HPS4: variants seen among roughly 807,000 people sequenced by gnomAD.
HPS4 encodes the protein BLOC-3 complex member HPS4.
A neutral mutation model predicts 70.3 loss-of-function variants in HPS4; 44 were observed. The ratio of observed to expected loss-of-function variants is 0.63; its 90% CI spans 0.49 to 0.80. HPS4 has a LOEUF of 0.80. Among genes scored for constraint, HPS4 ranks in the 30% least tolerant of loss-of-function variants. The pLI, the probability that HPS4 is intolerant of heterozygous loss-of-function variation, is 0.00. For synonymous variants in HPS4, 377 were observed against 355.9 expected (o/e 1.06, Z -0.67); for missense variants, 873 against 884.4 (o/e 0.99, Z 0.16).
rs560037852 is a variant in HPS4, at chr22:26,483,345, T to C, written c.-479+329A>G. ...TGGAGTAGGAAGAGACGTCGGAACA[T>C]GAGCAGAAAAGGATCTGGTAGCCTG... On this transcript the variant is annotated intron_variant, in intron 1 of 13. Transcript: ENST00000398145. Among the ~76,000 whole-genome samples the C allele has an allele frequency of 2.0e-5, 3 of 152,242 alleles. No individual in the cohort carries two copies. The South Asian group carries it at 6.2e-4, about 32-fold the overall frequency.
In HPS4 at chr22:26,457,984, C is replaced by T; in HGVS notation, c.1847-17G>A. 1.9e-6 allele frequency: 3 copies of T among 1,599,100 alleles called. No individual in the cohort carries two copies. Among genetic ancestry groups the T allele is most frequent in the Non-Finnish European group, 2.6e-6 (3 of 1,169,342 alleles). ...GCAGGTTTGCTTCCAGAAGAGGACA[C>T]AGAGTTGTGAAGAGCAGACAGTTAC... On this transcript the variant is annotated splice_polypyrimidine_tract_variant and intron_variant, in intron 12 of 13. Transcript: ENST00000398145.
rs2087943013 is a variant in HPS4, at chr22:26,464,149, A to G, written c.1481T>C (p.Val494Ala). The change falls in exon 11 of 14, where the codon GTT (valine) becomes GCT (alanine). Residue 494 changes from valine (V) to alanine (A), a missense_variant. Transcript: ENST00000398145. ...TGCGTGGCTTTCACAGACCCCATCA[A>G]CATCCTCATCCAGGCCTTGTTCCCC... The part of the protein sequence containing the change: ...PTGEQGLDED[V>A]DGVCESHAAP... 2.5e-6 allele frequency: 4 copies of G among 1,614,220 alleles called. No homozygotes were observed. Among genetic ancestry groups the G allele is most frequent in the Non-Finnish European group, 3.4e-6 (4 of 1,180,032 alleles).
Position 26,457,948 on chromosome 22 carries a change from G to A in HPS4, c.1866C>T (p.Ala622=). 6.2e-7 allele frequency: 1 copy of A among 1,613,614 alleles called. No homozygotes were observed. The highest frequency in any genetic ancestry group is 1.3e-5 in the African/African-American group (1 of 75,060). Residue 622 remains alanine (A), a synonymous_variant, in exon 13 of 14, where the codon GCC becomes GCT. Coordinates refer to ENST00000398145, the MANE Select transcript of HPS4 (RefSeq NM_022081.6). Reference sequence around the variant, plus strand: ...GGAGGAAGCGGCGATCCTGCGGGGTGGCCACCTGCGGCAGGTTTGCTTCCA... The same window carrying A: ...GGAGGAAGCGGCGATCCTGCGGGGTAGCCACCTGCGGCAGGTTTGCTTCCA... ...SLLMANLPQV[A]TPQDRRFLQA...
Position 26,478,040 on chromosome 22 carries a change from G to A in HPS4, c.133-904C>T, listed in dbSNP as rs181425437. ...TATGGGTGCATGGAAGGAAGGAAGA[G>A]CAGAATAAGTAATATCCAAGACAAT... On this transcript the variant is annotated intron_variant, in intron 3 of 13. Coordinates refer to ENST00000398145, the MANE Select transcript of HPS4 (RefSeq NM_022081.6). Among the ~76,000 whole-genome samples the A allele has an allele frequency of 3.3e-5, 5 of 152,200 alleles. No individual in the cohort carries two copies. In the East Asian group the frequency reaches 9.7e-4, roughly 29 times the overall value.
intron 1 of HPS4, chr22:26,482,690 G>T (rs900347434): frequency 1.3e-5 from 2 of 152,084 alleles, no homozygotes; most frequent in South Asian, 4.1e-4. Flanking sequence ...TTTCAGAGTC[G>T]GAAGGAACCC....
At chr22:26,453,531 T>C (rs1015247708) in intron 13 of HPS4, 127 bp from the exon 14 acceptor site, 113 of 944,546 alleles carry the variant, frequency 1.2e-4, no homozygotes, top group Non-Finnish European at 1.8e-4. Context: ...GCAGCTGTCA[T>C]GGCACGGAAT....
In HPS4 at chr22:26,483,772, C is replaced by G. The variant is rs1602166134; in HGVS notation, c.-577G>C. ...GCGACTTCTGCCCCGTACCTGCGCG[C>G]GCGGCAGAGAGGCCTTAGGTCACGC... On this transcript the variant is annotated 5_prime_UTR_variant, in exon 1 of 14. Coordinates refer to ENST00000398145, the MANE Select transcript of HPS4 (RefSeq NM_022081.6). 1.2e-5 allele frequency: 8 copies of G among 661,490 alleles called. No homozygotes were observed. The highest frequency in any genetic ancestry group is 4.6e-4 in the Middle Eastern group (1 of 2,174). 41.0% of individuals were successfully genotyped at this position (661,490 alleles called of 1,614,324 possible).
chr22:26,466,295 G>T lies in HPS4; in HGVS notation c.670-33C>A, dbSNP rs374228660. 4 of 1,612,390 alleles carry T rather than the reference G, an allele frequency of 2.5e-6. No homozygotes were observed. In the African/African-American group the frequency reaches 4.0e-5, roughly 16 times the overall value. On this transcript the variant is annotated intron_variant, in intron 8 of 13. Coordinates refer to ENST00000398145, the MANE Select transcript of HPS4 (RefSeq NM_022081.6). ...CAAACACACACAGAAGTTGGCGCTG[G>T]GCACCACATTCTCCTCTTGACCTAA... is the stretch of plus-strand genomic sequence containing the variant.
At chr22:26,453,428 ACGG>A (rs1483224185) in intron 13 of HPS4, 24 bp from the exon 14 acceptor site, 1 of 1,612,702 alleles carries the variant, frequency 6.2e-7, no homozygotes, top group East Asian at 2.2e-5. Context: ...AAAGAAGGCA[ACGG>A]TCCAATGCTG....
Position 26,470,968 on chromosome 22 carries a change from T to G in HPS4, c.502-155A>C, listed in dbSNP as rs1313741933. ...ACACAGTGAAAGCTGTGCCATGGCTTGGGACTATTCTACCTCTCTATACTC... is the reference window on the plus strand; with the variant it reads ...ACACAGTGAAAGCTGTGCCATGGCTGGGGACTATTCTACCTCTCTATACTC... On this transcript the variant is annotated intron_variant, in intron 6 of 13. Transcript: ENST00000398145. The G allele has an allele frequency of 4.0e-6, 6 of 1,494,228 alleles. No homozygotes were observed. In the African/African-American group the frequency reaches 8.3e-5, roughly 21 times the overall value. The allele number at this position is 1,494,228 out of a possible 1,614,324, so 92.6% of individuals were successfully genotyped here. A position where few individuals can be genotyped will look rare whatever the true frequency, so the allele number is the denominator to read the frequency against.
chr22:26,472,843 G>A lies in HPS4; in HGVS notation c.373C>T (p.Leu125=). ...FFNFYNGPVS[L]AYENCSQEEL... Reference sequence around the variant, plus strand: ...CCCCATACTTGTACCTCATAAGCTAGGGAAACAGGTCCATTGTAAAAATTA... The same window carrying A: ...CCCCATACTTGTACCTCATAAGCTAAGGAAACAGGTCCATTGTAAAAATTA... The change falls in exon 5 of 14, where the codon CTA becomes TTA. Residue 125 remains leucine, a synonymous_variant. Coordinates refer to ENST00000398145, the MANE Select transcript of HPS4 (RefSeq NM_022081.6). The A allele has an allele frequency of 6.2e-7, 1 of 1,613,568 alleles. No individual in the cohort carries two copies. Among genetic ancestry groups the A allele is most frequent in the Non-Finnish European group, 8.5e-7 (1 of 1,179,448 alleles).
intron 8 of HPS4, chr22:26,467,417 G>A (rs926001445): frequency 6.6e-6 from 1 of 152,182 alleles, no homozygotes; most frequent in Non-Finnish European, 1.5e-5. Flanking sequence ...AAGCATTCAA[G>A]TTTTGTCTGA....
chr22:26,470,835 A>AT, intron 6 of HPS4, 22 bp from the exon 7 acceptor site: 1 of 1,613,822 alleles, frequency 6.2e-7, no homozygotes, highest in Non-Finnish European at 8.5e-7. Context: ...AAGAGGCATC[A>AT]TGCCCACCCA....
At chr22:26,449,851 C>T (rs2085083827), downstream of HPS4, among the ~76,000 whole-genome samples, 1 of 152,192 alleles carries the variant, frequency 6.6e-6, no homozygotes. Flanking sequence ...CAAACCCATG[C>T]TCTCACGGTT....
chr22:26,464,928 G>A, intron 10 of HPS4, 102 bp from the exon 11 acceptor site: 1 of 1,120,736 alleles, frequency 8.9e-7, no homozygotes, highest in South Asian at 1.6e-5. Context: ...GGACAAGGGG[G>A]TGCCTGAGGC....
In HPS4 at chr22:26,478,624, T is replaced by C. The variant is rs189619149; in HGVS notation, c.132+641A>G. ...TATTGATAATTGTTGAAGCTACTGATGGCATATGAGGGTTCATGATACTTG... is the reference window on the plus strand; with the variant it reads ...TATTGATAATTGTTGAAGCTACTGACGGCATATGAGGGTTCATGATACTTG... On this transcript the variant is annotated intron_variant, in intron 3 of 13. Transcript: ENST00000398145. Among the ~76,000 whole-genome samples, 6 of 151,776 alleles carry C rather than the reference T, an allele frequency of 4.0e-5. No individual in the cohort carries two copies. In the East Asian group the frequency reaches 1.2e-3, roughly 29 times the overall value.
intron 4 of HPS4, among the ~76,000 whole-genome samples, chr22:26,474,880 A>G (rs999431868): frequency 1.3e-5 from 2 of 152,186 alleles, no homozygotes; most frequent in Admixed American, 1.3e-4. Context: ...ACAATAACAC[A>G]CCACTGCACA....
chr22:26,468,706 G>A (rs1413964819), intron 7 of HPS4, 83 bp from the exon 8 acceptor site: 38 of 1,265,302 alleles, frequency 3.0e-5, no homozygotes, highest in African/African-American at 4.4e-5. Flanking sequence ...CTAACAGCCC[G>A]TGTTGACGAG....
In HPS4 at chr22:26,453,062, C is replaced by T. The variant is rs1418274291; in HGVS notation, c.*171G>A. 1.4e-6 allele frequency: 1 copy of T among 701,138 alleles called. No individual in the cohort carries two copies. Among genetic ancestry groups the T allele is most frequent in the Non-Finnish European group, 2.4e-6 (1 of 416,332 alleles). 43.4% of individuals were successfully genotyped at this position (701,138 alleles called of 1,614,324 possible). ...TGCCGACCTGAAGAACTAACCCCTG[C>T]CCCCAAAACACATCCCAATCTGCAA... On this transcript the variant is annotated 3_prime_UTR_variant, in exon 14 of 14. Coordinates refer to ENST00000398145, the MANE Select transcript of HPS4 (RefSeq NM_022081.6).
Sources: gnomAD v4.1 joint callset for allele counts (sites outside exome capture counted in the v4.1 genomes callset) on GRCh38, gnomAD v4.1.1 for gene constraint, MANE v1.5 for transcripts, NCBI Gene and HGNC (gene_info 2026-07-23, HGNC 2026-07-21) for gene names.